The following GABPB2 variants were observed in gnomAD, a reference collection of about 807,000 sequenced individuals.
GABPB2 encodes GA binding protein transcription factor subunit beta 2.
GABPB2 carries 23 observed loss-of-function variants against 39.1 expected under a neutral mutation model. The observed-to-expected ratio is 0.59, with a 90% confidence interval of 0.42 to 0.83. The LOEUF (loss-of-function observed/expected upper bound fraction) is 0.83. Among genes scored for constraint, GABPB2 ranks in the 40% least tolerant of loss-of-function variants. The pLI, the probability that GABPB2 is intolerant of heterozygous loss-of-function variation, is 0.00. For synonymous variants in GABPB2, 184 were observed against 199.3 expected, an observed-to-expected ratio of 0.92 and a Z score of 0.65; for missense variants, 467 against 541.1, an observed-to-expected ratio of 0.86 and a Z score of 1.36.
chr1:151,073,798 T>C (rs758988094), intron 1 of GABPB2, among the ~76,000 whole-genome samples: 27 of 151,722 alleles, frequency 1.8e-4, no homozygotes, highest in Non-Finnish European at 2.8e-4. Flanking sequence ...CGTGCATCTG[T>C]AGTCCCAGCT....
At chr1:151,099,752 A>T (rs964724732) in intron 5 of GABPB2, among the ~76,000 whole-genome samples, 1 of 152,202 alleles carries the variant, frequency 6.6e-6, no homozygotes, top group Non-Finnish European at 1.5e-5. Context: ...ATTGTGCTCA[A>T]ATAATTATTG....
At chr1:151,097,803 AG>A (rs1679209093) in intron 4 of GABPB2, 48 bp from the exon 5 acceptor site, 2 of 1,550,394 alleles carry the variant, frequency 1.3e-6, no homozygotes, top group East Asian at 4.5e-5. Context: ...AAGACAGAAA[AG>A]AAAAGCTAAT....
rs762466886 is a variant in GABPB2, at chr1:151,117,345, T to A, written c.923-47T>A. On this transcript the variant is annotated intron_variant, in intron 7 of 8. Coordinates refer to ENST00000368918, the MANE Select transcript of GABPB2 (RefSeq NM_144618.3). The stretch of plus-strand genomic sequence containing the variant: ...ATTAAAAGCAAGCAAAACCTCTTTG[T>A]TTTATTATGCATTCATCACCTCCAA... 8 of 1,582,600 alleles carry A rather than the reference T, an allele frequency of 5.1e-6. No homozygotes were observed. In the Admixed American group the frequency reaches 1.5e-4, roughly 30 times the overall value.
At chr1:151,086,006 G>T (rs1678158668) in intron 1 of GABPB2, among the ~76,000 whole-genome samples, 1 of 152,118 alleles carries the variant, frequency 6.6e-6, no homozygotes, top group South Asian at 2.1e-4. Flanking sequence ...AACACTGGTG[G>T]GGCCAAGATG....
At chr1:151,075,563 C>CAA (rs35110350) in intron 1 of GABPB2, among the ~76,000 whole-genome samples, 2,297 of 44,148 alleles carry the variant, frequency 0.052, 194 homozygotes, top group Middle Eastern at 0.12. Context: ...GACTTTGTCT[C>CAA]AAAAAAAAAA....
chr1:151,086,471 T>G (rs895592115), intron 1 of GABPB2, among the ~76,000 whole-genome samples: 6 of 152,184 alleles, frequency 3.9e-5, no homozygotes, highest in Non-Finnish European at 7.3e-5. Flanking sequence ...TTATACCCAC[T>G]GTTGGATTTG....
In GABPB2 at chr1:151,122,923, A is replaced by G. The variant is rs1681234292; in HGVS notation, c.*4667A>G. The G allele has an allele frequency of 6.6e-6, 1 of 152,254 alleles. No homozygotes were observed. The highest frequency in any genetic ancestry group is 1.9e-4 in the East Asian group (1 of 5,184). 9.4% of individuals were successfully genotyped at this position (152,254 alleles called of 1,614,324 possible). A position where few individuals can be genotyped will look rare whatever the true frequency, so the allele number is the denominator to read the frequency against. On this transcript the variant is annotated 3_prime_UTR_variant, in exon 9 of 9. Coordinates refer to ENST00000368918, the MANE Select transcript of GABPB2 (RefSeq NM_144618.3). ...ATTTACTCGGAACGGTCCTCTTGGC[A>G]TCCCAGATAAGGGAAATAGGATTTG...
chr1:151,109,364 A>ATATTTT (rs779537595), intron 7 of GABPB2, among the ~76,000 whole-genome samples: 45 of 112,370 alleles, frequency 4.0e-4, no homozygotes, highest in Middle Eastern at 5.0e-3. Context: ...ATATATATAT[A>ATATTTT]TTTTTTTTTT....
chr1:151,079,718 G>A (rs587705142), intron 1 of GABPB2, among the ~76,000 whole-genome samples: 28 of 151,950 alleles, frequency 1.8e-4, no homozygotes, highest in African/African-American at 6.8e-4. Context: ...CCAACATGGT[G>A]AAACCCTGTC....
chr1:151,077,558 T>C (rs990442756), intron 1 of GABPB2, among the ~76,000 whole-genome samples: 1 of 151,526 alleles, frequency 6.6e-6, no homozygotes, highest in Non-Finnish European at 1.5e-5. Flanking sequence ...GGTTTCACCA[T>C]GTTGGCCAGA....
At chr1:151,111,421 T>C (rs972168640) in intron 7 of GABPB2, among the ~76,000 whole-genome samples, 7 of 146,784 alleles carry the variant, frequency 4.8e-5, no homozygotes, top group African/African-American at 1.0e-4. Context: ...ATTTTTTTTT[T>C]CTTTTTTTTC....
At chr1:151,094,724 GGGCCA>G (rs1678979427) in intron 4 of GABPB2, among the ~76,000 whole-genome samples, 1 of 150,374 alleles carries the variant, frequency 6.7e-6, no homozygotes, top group African/African-American at 2.4e-5. Flanking sequence ...AACAGGACAT[GGGCCA>G]GGCGTGGTGG....
chr1:151,091,502 T>TCTCGC lies in GABPB2; in HGVS notation c.276+930_276+934dup, dbSNP rs1358328735. 6.8e-3 allele frequency among the ~76,000 whole-genome samples: 863 copies of TCTCGC among 126,822 alleles called. 9 individuals carry two copies. The highest frequency in any genetic ancestry group is 0.022 in the African/African-American group (754 of 34,648). 83.2% of individuals were successfully genotyped at this position (126,822 alleles called of 152,430 possible). A position where few individuals can be genotyped will look rare whatever the true frequency, so the allele number is the denominator to read the frequency against. On this transcript the variant is annotated intron_variant, in intron 3 of 8. Coordinates refer to ENST00000368918, the MANE Select transcript of GABPB2 (RefSeq NM_144618.3). ...AAAAAAAAAAAAAAAAAAGATGAAG[T>TCTCGC]CTCGCACTATCGCCCAGGCTCGAGT...
rs1339878876 is a variant in GABPB2, at chr1:151,080,219, A to AC, written c.1-7971_1-7970insC. 8.0e-4 allele frequency among the ~76,000 whole-genome samples: 111 copies of AC among 139,622 alleles called. 2 individuals are homozygous for AC. The highest frequency in any genetic ancestry group is 1.2e-3 in the Non-Finnish European group (83 of 66,644). The allele number at this position is 139,622 out of a possible 152,430, so 91.6% of individuals were successfully genotyped here. A position where few individuals can be genotyped will look rare whatever the true frequency, so the allele number is the denominator to read the frequency against. On this transcript the variant is annotated intron_variant, in intron 1 of 8. Transcript: ENST00000368918. ...AACAAGAGCCAAACTCCATCTCAAA[A>AC]AAAAAAAAAAAAAAAAAAAAAAAAA... is the stretch of plus-strand genomic sequence containing the variant.
chr1:151,100,638 G>T (rs1323905287), intron 5 of GABPB2, among the ~76,000 whole-genome samples: 2 of 118,384 alleles, frequency 1.7e-5, no homozygotes, highest in Non-Finnish European at 3.3e-5. Flanking sequence ...ACTCAGGCTG[G>T]AGTGCAGTGG....
At position 151,118,105 on chromosome 1, in the gene GABPB2, G is replaced by A. The variant is rs115601364; in HGVS notation, c.1196G>A (p.Gly399Glu). Reference sequence around the variant, plus strand: ...GCCATAGCCCGACAGCAGCCCAATGGAGTTGATTTCACCATGGTTGAAGAG... The same window carrying A: ...GCCATAGCCCGACAGCAGCCCAATGAAGTTGATTTCACCATGGTTGAAGAG... ...LEAIARQQPNGVDFTMVEEVA... is the reference protein window; with the variant it reads ...LEAIARQQPNEVDFTMVEEVA... Residue 399 changes from glycine to glutamate, a missense_variant, in exon 9 of 9, where the codon GGA becomes GAA. Physicochemically the swap from Gly to Glu is moderately conservative, Grantham distance 98. Transcript: ENST00000368918. 328 of 1,614,180 alleles carry A rather than the reference G, an allele frequency of 2.0e-4. 2 individuals are homozygous for A. In the African/African-American group the frequency reaches 3.5e-3, roughly 17 times the overall value.
chr1:151,109,761 G>A (rs763402187), intron 7 of GABPB2, among the ~76,000 whole-genome samples: 9 of 151,526 alleles, frequency 5.9e-5, no homozygotes, highest in Non-Finnish European at 1.0e-4. Context: ...CTGCAGCCTC[G>A]ACTTCCCAAG....
At chr1:151,091,151 G>A (rs1003436961) in intron 3 of GABPB2, among the ~76,000 whole-genome samples, 26 of 150,796 alleles carry the variant, frequency 1.7e-4, no homozygotes, top group East Asian at 8.0e-4. Flanking sequence ...GCAGTGGCAC[G>A]ATCTCTGCTC....
At chr1:151,081,487 G>A (rs1265140154) in intron 1 of GABPB2, among the ~76,000 whole-genome samples, 4 of 151,882 alleles carry the variant, frequency 2.6e-5, no homozygotes, top group Non-Finnish European at 4.4e-5. Context: ...GCGAAACCCT[G>A]TCTCAACCCC....
Sources: gnomAD v4.1 joint callset for allele counts (sites outside exome capture counted in the v4.1 genomes callset) on GRCh38, gnomAD v4.1.1 for gene constraint, MANE v1.5 for transcripts, NCBI Gene and HGNC (gene_info 2026-07-23, HGNC 2026-07-21) for gene names.